The following TBC1D14 variants were observed in gnomAD, a reference collection of about 807,000 sequenced individuals.
The protein encoded by TBC1D14 is TBC1 domain family, member 14.
TBC1D14 carries 26 observed loss-of-function variants against 79.0 expected under a neutral mutation model. The ratio of observed to expected loss-of-function variants is 0.33; its 90% CI spans 0.24 to 0.46. TBC1D14 has a LOEUF of 0.46. Ranked by LOEUF, TBC1D14 falls within the 20% of genes least tolerant of loss-of-function variation. TBC1D14 has a pLI of 1.00. For synonymous variants in TBC1D14, 394 were observed against 349.9 expected, an observed-to-expected ratio of 1.13 and a Z score of -1.40; for missense variants, 769 against 887.6, an observed-to-expected ratio of 0.87 and a Z score of 1.70.
chr4:6,919,602 T>C (rs1392966451), intron 1 of TBC1D14, among the ~76,000 whole-genome samples: 1 of 152,142 alleles, frequency 6.6e-6, no homozygotes, highest in African/African-American at 2.4e-5. Context: ...TTCAAGTTTT[T>C]ATTTTTTATA....
Position 6,998,053 on chromosome 4 carries a change from C to G in TBC1D14, c.1046-1032C>G, listed in dbSNP as rs368246007. Among the ~76,000 whole-genome samples, 8 of 152,276 alleles carry G rather than the reference C, an allele frequency of 5.3e-5. No homozygotes were observed. In the East Asian group the frequency reaches 1.3e-3, roughly 26 times the overall value. ...TGTAAACTAAATGCATGGTATTTCT[C>G]AGAGCTGCTATTTGTAGATTAAGAG... On this transcript the variant is annotated intron_variant, in intron 5 of 13. Transcript: ENST00000409757.
At chr4:6,978,075 T>A (rs1271991374) in intron 3 of TBC1D14, among the ~76,000 whole-genome samples, 3 of 144,828 alleles carry the variant, frequency 2.1e-5, no homozygotes, top group African/African-American at 7.8e-5. Flanking sequence ...GAGGTGGGGG[T>A]CAGCCCCCCG....
At chr4:6,950,824 G>A (rs1374039682) in intron 2 of TBC1D14, among the ~76,000 whole-genome samples, 2 of 152,040 alleles carry the variant, frequency 1.3e-5, no homozygotes, top group African/African-American at 4.8e-5. Flanking sequence ...TTTTGTTTGG[G>A]ACTTTACTGT....
intron 2 of TBC1D14, among the ~76,000 whole-genome samples, chr4:6,960,850 T>C (rs1715126097): frequency 1.3e-5 from 2 of 152,292 alleles, no homozygotes; most frequent in African/African-American, 4.8e-5. Context: ...TGCACAGGCC[T>C]GTGAAAGACC....
intron 9 of TBC1D14, 113 bp downstream of exon 9, chr4:7,006,839 A>G: frequency 1.2e-6 from 1 of 836,910 alleles, no homozygotes; most frequent in African/African-American, 1.7e-5. Context: ...TGGGGGTGTT[A>G]GGAGGTAGGG....
intron 13 of TBC1D14, among the ~76,000 whole-genome samples, chr4:7,027,972 AC>A (rs201452816): frequency 4.6e-4 from 21 of 45,874 alleles, no homozygotes; most frequent in East Asian, 1.2e-3. Flanking sequence ...CACATTGCCC[AC>A]CCCCCCACAC....
intron 2 of TBC1D14, among the ~76,000 whole-genome samples, chr4:6,965,242 C>T (rs1715599104): frequency 6.6e-6 from 1 of 152,070 alleles, no homozygotes; most frequent in Non-Finnish European, 1.5e-5. Context: ...ACTACAACCT[C>T]CGCCTCCTGG....
At chr4:6,967,743 T>A (rs1337784146) in intron 3 of TBC1D14, among the ~76,000 whole-genome samples, 3 of 152,260 alleles carry the variant, frequency 2.0e-5, no homozygotes, top group Non-Finnish European at 2.9e-5. Flanking sequence ...CAAATGTGTT[T>A]ATCATCAAAT....
intron 2 of TBC1D14, among the ~76,000 whole-genome samples, chr4:6,966,433 C>G (rs1450901192): frequency 6.6e-6 from 1 of 152,196 alleles, no homozygotes; most frequent in Non-Finnish European, 1.5e-5. Context: ...GTGATCATCT[C>G]ATGAGTAACT....
intron 3 of TBC1D14, among the ~76,000 whole-genome samples, chr4:6,988,889 T>TG (rs1451580387): frequency 9.9e-6 from 1 of 101,308 alleles, no homozygotes; most frequent in South Asian, 2.9e-4. Context: ...TTCTTTCTTT[T>TG]TTTTTTTTTT....
At chr4:6,965,160 C>CT (rs71646674) in intron 2 of TBC1D14, among the ~76,000 whole-genome samples, 40 of 14,346 alleles carry the variant, frequency 2.8e-3, no homozygotes, top group African/African-American at 4.1e-3. Context: ...TCCCAATAAT[C>CT]TTTTTTTTTT....
At chr4:6,968,673 C>CGGGAGGAGGCTGACTGCT (rs141480870) in intron 3 of TBC1D14, among the ~76,000 whole-genome samples, 1 of 51,218 alleles carries the variant, frequency 2.0e-5, no homozygotes. Flanking sequence ...GGCTGACCGC[C>CGGGAGGAGGCTGACTGCT]GGGAGGAGGC....
At chr4:7,030,231 G>A in intron 13 of TBC1D14, 96 bp from the exon 14 acceptor site, 1 of 1,171,010 alleles carries the variant, frequency 8.5e-7, no homozygotes, top group South Asian at 1.3e-5. Context: ...GGAGCCGGGG[G>A]ACCCTGTTAG....
At chr4:6,945,792 A>C (rs1713391432) in intron 2 of TBC1D14, among the ~76,000 whole-genome samples, 1 of 151,552 alleles carries the variant, frequency 6.6e-6, no homozygotes, top group Non-Finnish European at 1.5e-5. Context: ...AAGATGAAAG[A>C]AAGCATTAAA....
At chr4:7,006,928 A>G (rs1015900431) in intron 9 of TBC1D14, among the ~76,000 whole-genome samples, 1 of 152,204 alleles carries the variant, frequency 6.6e-6, no homozygotes, top group African/African-American at 2.4e-5. Flanking sequence ...TACTATGTCC[A>G]TACTTGTGCT....
At chr4:6,956,292 T>G (rs1577082108) in intron 2 of TBC1D14, among the ~76,000 whole-genome samples, 1 of 152,028 alleles carries the variant, frequency 6.6e-6, no homozygotes, top group African/African-American at 2.4e-5. Flanking sequence ...GTGGAGGGAT[T>G]GTGCAGGACA....
chr4:6,953,610 C>T (rs1377329563), intron 2 of TBC1D14, among the ~76,000 whole-genome samples: 4 of 110,200 alleles, frequency 3.6e-5, no homozygotes, highest in African/African-American at 1.0e-4. Flanking sequence ...CCAGCCTGGG[C>T]GACAGCGAGA....
intron 3 of TBC1D14, chr4:6,987,271 A>AG: frequency 1.5e-6 from 2 of 1,292,292 alleles, no homozygotes; most frequent in Non-Finnish European, 2.0e-6. Context: ...GCGGTCCGGG[A>AG]GGGAGGGAGG....
At chr4:6,967,936 G>A (rs1389995861) in intron 3 of TBC1D14, among the ~76,000 whole-genome samples, 1 of 152,162 alleles carries the variant, frequency 6.6e-6, no homozygotes, top group Non-Finnish European at 1.5e-5. Context: ...AGGCCTGCAT[G>A]TCCTCACCAC....
Sources: gnomAD v4.1 joint callset for allele counts (sites outside exome capture counted in the v4.1 genomes callset) on GRCh38, gnomAD v4.1.1 for gene constraint, MANE v1.5 for transcripts, NCBI Gene and HGNC (gene_info 2026-07-23, HGNC 2026-07-21) for gene names.